The following ATF6 variants were observed in gnomAD, a reference collection of about 807,000 sequenced individuals.
The protein encoded by ATF6 is activating transcription factor 6, also known as cyclic AMP-dependent transcription factor ATF-6 alpha.
ATF6 carries 53 observed loss-of-function variants against 83.6 expected under a neutral mutation model. That is an observed-to-expected ratio of 0.63 (90% CI 0.51 to 0.80). The LOEUF (loss-of-function observed/expected upper bound fraction) is 0.80. Ranked by LOEUF, ATF6 falls within the 30% of genes least tolerant of loss-of-function variation. The pLI is 0.00. For missense variants in ATF6, 744 were observed against 797.9 expected, an observed-to-expected ratio of 0.93 and a Z score of 0.81; for synonymous variants, 288 against 285.8, an observed-to-expected ratio of 1.01 and a Z score of -0.08.
chr1:161,834,226 AG>A (rs1427182573), intron 9 of ATF6, among the ~76,000 whole-genome samples: 2 of 152,338 alleles, frequency 1.3e-5, no homozygotes, highest in Non-Finnish European at 1.5e-5. Flanking sequence ...TGTCACCACC[AG>A]GCCTGCCCTA....
rs76504778 is a variant in ATF6, at chr1:161,949,006, C to T, written c.1805-9440C>T. Among the ~76,000 whole-genome samples, 350 of 152,294 alleles carry T rather than the reference C, an allele frequency of 2.3e-3. 3 individuals are homozygous for T. The highest frequency in any genetic ancestry group is 8.2e-3 in the African/African-American group (342 of 41,566). ...GACATTGACTTCTCAGACTGGTCTC[C>T]ACCCTGTACTTAACCCCATTCTCAC... On this transcript the variant is annotated intron_variant, in intron 15 of 15. Coordinates refer to ENST00000367942, the MANE Select transcript of ATF6 (RefSeq NM_007348.4).
intron 1 of ATF6, among the ~76,000 whole-genome samples, chr1:161,771,451 T>G (rs34065270): frequency 6.6e-6 from 1 of 152,172 alleles, no homozygotes; most frequent in East Asian, 1.9e-4. Flanking sequence ...TCAAAACCTT[T>G]TCACCATAGG....
intron 15 of ATF6, among the ~76,000 whole-genome samples, chr1:161,931,912 A>G (rs1688441748): frequency 1.3e-5 from 2 of 152,122 alleles, no homozygotes; most frequent in African/African-American, 2.4e-5. Flanking sequence ...ATTTTGCTAA[A>G]TTTTCTAAAG....
At chr1:161,839,775 A>C (rs1439422957) in intron 9 of ATF6, among the ~76,000 whole-genome samples, 2 of 152,198 alleles carry the variant, frequency 1.3e-5, no homozygotes, top group Non-Finnish European at 2.9e-5. Flanking sequence ...GAAGAACAGC[A>C]TTCTTGGCAG....
intron 15 of ATF6, among the ~76,000 whole-genome samples, chr1:161,923,808 C>T (rs1011684661): frequency 3.3e-5 from 5 of 152,194 alleles, no homozygotes; most frequent in Admixed American, 1.3e-4. Context: ...TGCTGAGCCC[C>T]CTGTACCTAA....
chr1:161,914,757 C>A (rs950485637), intron 15 of ATF6, among the ~76,000 whole-genome samples: 5 of 152,178 alleles, frequency 3.3e-5, no homozygotes, highest in Non-Finnish European at 7.3e-5. Flanking sequence ...GCCATACATT[C>A]CTCCTTACCC....
chr1:161,777,927 T>G (rs1195511516), intron 1 of ATF6, among the ~76,000 whole-genome samples: 1 of 152,234 alleles, frequency 6.6e-6, no homozygotes, highest in African/African-American at 2.4e-5. Context: ...CTCTTCATGC[T>G]GAACCCAGAT....
At chr1:161,810,776 A>G (rs567804646) in intron 7 of ATF6, among the ~76,000 whole-genome samples, 1 of 151,062 alleles carries the variant, frequency 6.6e-6, no homozygotes, top group Non-Finnish European at 1.5e-5. Flanking sequence ...CTCATTTCTC[A>G]CTCCCTGCAG....
intron 14 of ATF6, among the ~76,000 whole-genome samples, chr1:161,866,598 T>G (rs1687005698): frequency 6.6e-6 from 1 of 152,234 alleles, no homozygotes; most frequent in South Asian, 2.1e-4. Context: ...TACTTTGCCT[T>G]TTTCTCCTCT....
intron 15 of ATF6, 106 bp from the exon 16 acceptor site, chr1:161,958,340 C>A: frequency 8.8e-7 from 1 of 1,131,250 alleles, no homozygotes; most frequent in Admixed American, 2.7e-5. Context: ...AGTTTACTGA[C>A]AGTTCACACC....
chr1:161,868,896 C>CT (rs1206078977), intron 14 of ATF6, among the ~76,000 whole-genome samples: 1 of 151,990 alleles, frequency 6.6e-6, no homozygotes, highest in Non-Finnish European at 1.5e-5. Context: ...GTAAGTAGAA[C>CT]TTTGAGATAC....
At chr1:161,795,624 T>C (rs1684998543) in intron 6 of ATF6, among the ~76,000 whole-genome samples, 1 of 152,262 alleles carries the variant, frequency 6.6e-6, no homozygotes, top group African/African-American at 2.4e-5. Context: ...CAAAAAAATA[T>C]ATGGCATTGA....
chr1:161,872,724 C>T (rs1687145323), intron 14 of ATF6, among the ~76,000 whole-genome samples: 1 of 151,364 alleles, frequency 6.6e-6, no homozygotes, highest in African/African-American at 2.4e-5. Context: ...TCATTGGTAA[C>T]TTGAGATTAC....
intron 4 of ATF6, among the ~76,000 whole-genome samples, chr1:161,791,106 C>CTGTGTG (rs565632055): frequency 7.4e-5 from 9 of 120,824 alleles, no homozygotes; most frequent in East Asian, 6.7e-4. Context: ...GTGTGTGTCT[C>CTGTGTG]TGTGTGTGTG....
chr1:161,780,132 C>CT (rs201367744), intron 2 of ATF6, among the ~76,000 whole-genome samples: 2 of 152,000 alleles, frequency 1.3e-5, no homozygotes, highest in Admixed American at 6.5e-5. Flanking sequence ...GATTTAAATA[C>CT]TTTTTTTTCA....
chr1:161,807,566 C>A (rs992200299), intron 7 of ATF6, among the ~76,000 whole-genome samples: 2 of 152,204 alleles, frequency 1.3e-5, no homozygotes, highest in Non-Finnish European at 2.9e-5. Context: ...AAAAAAATTA[C>A]TTCTGTGCTG....
chr1:161,893,742 G>T (rs546583626), intron 14 of ATF6, among the ~76,000 whole-genome samples: 1 of 152,168 alleles, frequency 6.6e-6, no homozygotes, highest in Non-Finnish European at 1.5e-5. Context: ...GCACACAAGT[G>T]TATAATGGAC....
At chr1:161,889,262 C>T (rs576892023) in intron 14 of ATF6, among the ~76,000 whole-genome samples, 12 of 152,320 alleles carry the variant, frequency 7.9e-5, no homozygotes, top group Admixed American at 1.3e-4. Flanking sequence ...TGCCAGACAG[C>T]CTTCTTCAGG....
At chr1:161,781,491 A>G (rs778006554) in intron 2 of ATF6, among the ~76,000 whole-genome samples, 5 of 152,190 alleles carry the variant, frequency 3.3e-5, no homozygotes, top group Non-Finnish European at 7.4e-5. Flanking sequence ...TGTCTTTTGG[A>G]TATATCTATA....
Sources: allele counts gnomAD v4.1 joint callset (sites outside exome capture counted in the v4.1 genomes callset), GRCh38; gene constraint gnomAD v4.1.1; transcripts MANE v1.5; gene names NCBI Gene and HGNC (gene_info 2026-07-23, HGNC 2026-07-21).